TMEM150B: variants seen among roughly 807,000 people sequenced by gnomAD.
TMEM150B encodes the protein transmembrane protein 150B.
A neutral mutation model predicts 25.2 loss-of-function variants in TMEM150B; 33 were observed. The observed-to-expected ratio is 1.31, with a 90% CI of 0.99 to 1.75. The LOEUF (loss-of-function observed/expected upper bound fraction) is 1.75. TMEM150B is among the 40% of genes most tolerant of loss of function. The probability of loss-of-function intolerance (pLI) is 0.00; values close to 1 mark genes in which losing one functional copy is unlikely to be tolerated. For synonymous variants in TMEM150B, 133 were observed against 134.8 expected (o/e 0.99, Z 0.09); for missense variants, 322 against 306.1 (o/e 1.05, Z -0.39).
Position 55,322,611 on chromosome 19 carries a change from C to T in TMEM150B, c.-58+37G>A, listed in dbSNP as rs1434836716. 5.2e-6 allele frequency: 5 copies of T among 960,592 alleles called. No individual in the cohort carries two copies. In the African/African-American group the frequency reaches 7.1e-5, roughly 14 times the overall value. The allele number at this position is 960,592 out of a possible 1,614,324, so 59.5% of individuals were successfully genotyped here. ...TCCCTGCCCTCCCAGCCCCTCCGTG[C>T]ACCTCCCAGCCTCCAGGGCCTCCCC... On this transcript the variant is annotated intron_variant, in intron 2 of 7. Transcript: ENST00000326652.
intron 7 of TMEM150B, among the ~76,000 whole-genome samples, chr19:55,316,398 T>C (rs2089000034): frequency 6.6e-6 from 1 of 151,840 alleles, no homozygotes; most frequent in South Asian, 2.1e-4. Context: ...CTCAAGGGAC[T>C]GTTCTTAGTA....
At chr19:55,323,803 T>TC (rs1491285796) in intron 1 of TMEM150B, among the ~76,000 whole-genome samples, 3 of 42,116 alleles carry the variant, frequency 7.1e-5, no homozygotes, top group African/African-American at 3.2e-4. Flanking sequence ...GCGCCCAACC[T>TC]TTTTTTTTTT....
At chr19:55,311,971 C>A, downstream of TMEM150B, 4 of 1,595,924 alleles carry the variant, frequency 2.5e-6, no homozygotes, top group South Asian at 2.2e-5. Context: ...CTGCAGCCCC[C>A]ACCCGGCCGC....
At chr19:55,311,756 C>T (rs866225039), downstream of TMEM150B, among the ~76,000 whole-genome samples, 4 of 152,150 alleles carry the variant, frequency 2.6e-5, no homozygotes, top group African/African-American at 7.2e-5. Context: ...AATTCAAGGC[C>T]AGGTGCTGGA....
rs1241970288 is a variant in TMEM150B at position 55,320,951 on chromosome 19, C to A, written c.68+18G>T. 11 of 1,613,022 alleles carry A rather than the reference C, an allele frequency of 6.8e-6. No individual in the cohort carries two copies. In the East Asian group the frequency reaches 2.5e-4, roughly 36 times the overall value. The stretch of plus-strand genomic sequence containing the variant: ...TCCACCCTCAGACCCAGGAGTCCAT[C>A]ATGCCTCTGACACTCACACGATCCA... On this transcript the variant is annotated intron_variant, in intron 3 of 7. Transcript: ENST00000326652.
chr19:55,320,357 G>T, intron 5 of TMEM150B, 34 bp downstream of exon 5: 1 of 1,515,418 alleles, frequency 6.6e-7, no homozygotes, highest in Admixed American at 2.2e-5. Flanking sequence ...GCTGGGCTTG[G>T]GAGCACTGAA....
At chr19:55,315,374 G>T (rs1433810318) in intron 7 of TMEM150B, among the ~76,000 whole-genome samples, 1 of 151,748 alleles carries the variant, frequency 6.6e-6, no homozygotes, top group East Asian at 1.9e-4. Flanking sequence ...GCTCATGCCT[G>T]CAATCCCAGA....
At chr19:55,316,101 T>C (rs1306139905) in intron 7 of TMEM150B, among the ~76,000 whole-genome samples, 1 of 152,122 alleles carries the variant, frequency 6.6e-6, no homozygotes, top group African/African-American at 2.4e-5. Context: ...TCAAGCCTCA[T>C]GTGGTGTGCT....
At chr19:55,316,121 T>G (rs935371551) in intron 7 of TMEM150B, among the ~76,000 whole-genome samples, 1 of 152,084 alleles carries the variant, frequency 6.6e-6, no homozygotes, top group African/African-American at 2.4e-5. Flanking sequence ...TAGTAAATGT[T>G]TAACAACTGG....
chr19:55,311,860 AC>A, downstream of TMEM150B: 1 of 1,588,288 alleles, frequency 6.3e-7, no homozygotes, highest in Non-Finnish European at 8.6e-7. Context: ...GGTAATGGGA[AC>A]CCCAACCCTG....
At chr19:55,309,997 C>T (rs1349066355), downstream of TMEM150B, among the ~76,000 whole-genome samples, 2 of 152,162 alleles carry the variant, frequency 1.3e-5, no homozygotes, top group African/African-American at 2.4e-5. Flanking sequence ...AACGGCCCAG[C>T]GTTGAGGCCA....
In TMEM150B at chr19:55,320,618, C is replaced by T. The variant is rs948889063; in HGVS notation, c.69-1G>A. The T allele has an allele frequency of 6.8e-6, 11 of 1,613,364 alleles. No individual in the cohort carries two copies. Among genetic ancestry groups the T allele is most frequent in the African/African-American group, 1.3e-5 (1 of 74,796 alleles). ...CCTGTTGGTCACTGCAATGGCAAAA[C>T]TACGGAGGAAATCAGAGTGAGTGGG... On this transcript the variant is annotated splice_acceptor_variant, in intron 3 of 7. Transcript: ENST00000326652. LOFTEE classifies it high-confidence loss of function.
chr19:55,313,736 G>T (rs972751575), intron 7 of TMEM150B, among the ~76,000 whole-genome samples: 1 of 151,962 alleles, frequency 6.6e-6, no homozygotes. Context: ...GGTCTGTCCC[G>T]TCCCTCCTCT....
intron 1 of TMEM150B, among the ~76,000 whole-genome samples, chr19:55,323,028 GC>G (rs1373782806): frequency 1.3e-5 from 2 of 152,108 alleles, no homozygotes; most frequent in East Asian, 3.9e-4. Flanking sequence ...AGGAGTCCAG[GC>G]CCCCAGAACT....
At chr19:55,324,430 A>G (rs780107101) in intron 1 of TMEM150B, among the ~76,000 whole-genome samples, 11 of 151,764 alleles carry the variant, frequency 7.2e-5, no homozygotes, top group Non-Finnish European at 1.6e-4. Context: ...TGGGCAGATC[A>G]TGAGATCAGG....
chr19:55,313,086 C>A (rs200552249), intron 7 of TMEM150B, 31 bp from the exon 8 acceptor site: 4 of 1,578,202 alleles, frequency 2.5e-6, no homozygotes, highest in East Asian at 2.3e-5. Context: ...ACACTGCTAC[C>A]GTGACAGACG....
Position 55,312,901 on chromosome 19 carries a change from G to A in TMEM150B, c.660C>T (p.Ser220=), listed in dbSNP as rs1337832588. The A allele has an allele frequency of 5.6e-6, 9 of 1,605,016 alleles. No individual in the cohort carries two copies. Among genetic ancestry groups the A allele is most frequent in the Non-Finnish European group, 7.6e-6 (9 of 1,176,652 alleles). ...GGGAGATGGGGGAGGCCGGCGGGGGGCTGAGGCTGGGCCACGGCTGAACAC... is the reference window on the plus strand; with the variant it reads ...GGGAGATGGGGGAGGCCGGCGGGGGACTGAGGCTGGGCCACGGCTGAACAC... ...TLCVQPWPSL[S]PPPASPISLP... Residue 220 remains serine, a synonymous_variant, in exon 8 of 8, where the codon AGC becomes AGT. Transcript: ENST00000326652.
chr19:55,321,295 T>TCCTCCCAGCCCCTCCTTGCA (rs983347968), intron 2 of TMEM150B, among the ~76,000 whole-genome samples: 3 of 150,670 alleles, frequency 2.0e-5, no homozygotes, highest in East Asian at 2.0e-4. Flanking sequence ...TTTCTCCCTG[T>TCCTCCCAGCCCCTCCTTGCA]CCTCCCAGCC....
At chr19:55,321,198 T>C in intron 2 of TMEM150B, 105 bp from the exon 3 acceptor site, 8 of 1,407,462 alleles carry the variant, frequency 5.7e-6, no homozygotes, top group Non-Finnish European at 7.4e-6. Flanking sequence ...GGGTCTGATC[T>C]GATTGGCCAG....
Sources: gnomAD v4.1 joint callset for allele counts (sites outside exome capture counted in the v4.1 genomes callset) on GRCh38, gnomAD v4.1.1 for gene constraint, MANE v1.5 for transcripts, NCBI Gene and HGNC (gene_info 2026-07-23, HGNC 2026-07-21) for gene names.